Variants in OPRL1 observed in about 807,000 individuals in gnomAD.
The protein encoded by OPRL1 is opioid related nociceptin receptor 1, also known as nociceptin receptor.
Under a neutral mutation model 15.5 loss-of-function variants are expected in OPRL1, and 5 were observed. That is an observed-to-expected ratio of 0.32 (90% CI 0.17 to 0.68). The LOEUF (loss-of-function observed/expected upper bound fraction) is 0.68, where lower values mean the gene tolerates loss of function less well. Ranked by LOEUF, OPRL1 falls within the 30% of genes least tolerant of loss-of-function variation. The pLI, the probability that OPRL1 is intolerant of heterozygous loss-of-function variation, is 0.72. For missense variants in OPRL1, 406 were observed against 515.3 expected (o/e 0.79, Z 2.05); for synonymous variants, 223 against 230.2 (o/e 0.97, Z 0.28).
Position 64,083,964 on chromosome 20 carries a change from G to A in OPRL1, c.-185+3612G>A. The A allele has an allele frequency of 1.4e-6, 2 of 1,468,350 alleles. No homozygotes were observed. The highest frequency in any genetic ancestry group is 1.8e-6 in the Non-Finnish European group (2 of 1,117,304). The allele number at this position is 1,468,350 out of a possible 1,614,324, so 91.0% of individuals were successfully genotyped here. On this transcript the variant is annotated intron_variant, in intron 1 of 4. Coordinates refer to ENST00000336866, the MANE Select transcript of OPRL1 (RefSeq NM_182647.4). This position sits in a 1 kb window ranked among gnomAD's most constrained non-coding sequence, Gnocchi z 4.9. ...CGCGGGTCGGGCATGCGGTACCCCG[G>A]TTCCACCGACCCGCACGGGAAGGTG...
intron 3 of OPRL1, among the ~76,000 whole-genome samples, chr20:64,095,268 G>C (rs1391667137): frequency 1.3e-5 from 1 of 78,046 alleles, no homozygotes; most frequent in Non-Finnish European, 2.6e-5. Flanking sequence ...GGATAGTGTG[G>C]GGGGGATAGT....
In OPRL1 at chr20:64,089,267, G is replaced by A. The variant is rs1487078385; in HGVS notation, c.-184-2699G>A. Among the ~76,000 whole-genome samples, 1 of 152,118 alleles carries A rather than the reference G, an allele frequency of 6.6e-6. No individual in the cohort carries two copies. The highest frequency in any genetic ancestry group is 6.5e-5 in the Admixed American group (1 of 15,282). ...GATTGTGAACACCTGGACTGGGGAG[G>A]CCACGGCCTTCTGCTGGACCCTGAA... On this transcript the variant is annotated intron_variant, in intron 1 of 4. Transcript: ENST00000336866. This position sits in a 1 kb window ranked among gnomAD's most constrained non-coding sequence, Gnocchi z 5.5.
At chr20:64,088,693 G>GAGTGGCCA (rs1569271816) in intron 1 of OPRL1, among the ~76,000 whole-genome samples, 35 of 115,344 alleles carry the variant, frequency 3.0e-4, no homozygotes, top group Admixed American at 4.4e-4. Context: ...GATCTGTGCA[G>GAGTGGCCA]GGAGGCCAGG....
In OPRL1 at chr20:64,083,580, C is replaced by T. The variant is rs1242492576; in HGVS notation, c.-185+3228C>T. On this transcript the variant is annotated intron_variant, in intron 1 of 4. Coordinates refer to ENST00000336866, the MANE Select transcript of OPRL1 (RefSeq NM_182647.4). This position sits in a 1 kb window ranked among gnomAD's most constrained non-coding sequence, Gnocchi z 4.9. ...CCCCGCCCCTACCGGGGCTTGTCTGCACCTCTTGGCGGTCCAGGGGGTCCG... is the reference window on the plus strand; with the variant it reads ...CCCCGCCCCTACCGGGGCTTGTCTGTACCTCTTGGCGGTCCAGGGGGTCCG... 4.0e-6 allele frequency: 6 copies of T among 1,512,794 alleles called. No individual in the cohort carries two copies. The South Asian group carries it at 4.9e-5, about 12-fold the overall frequency. 93.7% of individuals were successfully genotyped at this position (1,512,794 alleles called of 1,614,324 possible).
At chr20:64,091,514 C>T (rs1468279425) in intron 1 of OPRL1, among the ~76,000 whole-genome samples, 4 of 152,202 alleles carry the variant, frequency 2.6e-5, no homozygotes, top group Non-Finnish European at 4.4e-5. Context: ...GGGCCAGTGC[C>T]GTGTCCTGGA....
chr20:64,084,050 G>T, intron 1 of OPRL1: 1 of 1,501,110 alleles, frequency 6.7e-7, no homozygotes, highest in Non-Finnish European at 8.8e-7. Context: ...GTGGCGCTGC[G>T]CAGGGAGCAT....
In OPRL1 at chr20:64,098,591, G is replaced by A. The variant is rs937030973; in HGVS notation, c.905G>A (p.Arg302His). 5.6e-6 allele frequency: 9 copies of A among 1,612,828 alleles called. No individual in the cohort carries two copies. Among genetic ancestry groups the A allele is most frequent in the Non-Finnish European group, 7.6e-6 (9 of 1,179,970 alleles). ...AGCGAGACTGCCGTGGCCATTCTGC[G>A]CTTCTGCACGGCCCTGGGCTACGTC... is the stretch of plus-strand genomic sequence containing the variant. ...PSSETAVAIL[R>H]FCTALGYVNS... Residue 302 changes from arginine (R) to histidine (H), a missense_variant, in exon 5 of 5, where the codon CGC (arginine) becomes CAC (histidine). By Grantham distance (29) the Arg-to-His change is conservative. Transcript: ENST00000336866.
chr20:64,098,225 G>GTGC, intron 4 of OPRL1, 51 bp from the exon 5 acceptor site: 21 of 1,602,480 alleles, frequency 1.3e-5, no homozygotes, highest in Non-Finnish European at 1.8e-5. Flanking sequence ...CTGGGCCCAC[G>GTGC]TGCCCTCCAC....
chr20:64,088,842 A>G (rs1386849442), intron 1 of OPRL1, among the ~76,000 whole-genome samples: 1 of 124,610 alleles, frequency 8.0e-6, no homozygotes, highest in Non-Finnish European at 1.8e-5. Flanking sequence ...GGAGGGCAGG[A>G]TCTGTGCAGG....
chr20:64,098,742 T>C lies in OPRL1; in HGVS notation c.1056T>C (p.Ile352=), dbSNP rs1238543346. 9.9e-6 allele frequency: 16 copies of C among 1,610,134 alleles called. No homozygotes were observed. Among genetic ancestry groups the C allele is most frequent in the Admixed American group, 5.0e-5 (3 of 60,000 alleles). The part of the protein sequence containing the change: ...DVQVSDRVRS[I]AKDVALACKT... ...AGGTGTCTGACCGCGTGCGCAGCATTGCCAAGGACGTGGCCCTGGCCTGCA... is the reference window on the plus strand; with the variant it reads ...AGGTGTCTGACCGCGTGCGCAGCATCGCCAAGGACGTGGCCCTGGCCTGCA... The change falls in exon 5 of 5, where the codon ATT becomes ATC. Residue 352 remains isoleucine, a synonymous_variant. Coordinates refer to ENST00000336866, the MANE Select transcript of OPRL1 (RefSeq NM_182647.4).
At position 64,092,124 on chromosome 20, in the gene OPRL1, C is replaced by G. The variant is rs1438152128; in HGVS notation, c.-34+8C>G. 2 of 156,146 alleles carry G rather than the reference C, an allele frequency of 1.3e-5. No homozygotes were observed. Among genetic ancestry groups the G allele is most frequent in the East Asian group, 3.8e-4 (2 of 5,200 alleles). The allele number at this position is 156,146 out of a possible 1,614,324, so 9.7% of individuals were successfully genotyped here. On this transcript the variant is annotated splice_region_variant and intron_variant, in intron 2 of 4. Coordinates refer to ENST00000336866, the MANE Select transcript of OPRL1 (RefSeq NM_182647.4). The stretch of plus-strand genomic sequence containing the variant: ...CCCAAGGAGGTTGCAGAAGTAAGGG[C>G]CTGAGCCGCTGGAGGTCGGGTGGGG...
chr20:64,088,934 G>C (rs1300307997), intron 1 of OPRL1, among the ~76,000 whole-genome samples: 1 of 3,206 alleles, frequency 3.1e-4, no homozygotes, highest in Non-Finnish European at 8.2e-4. Context: ...CTGTGCAAGG[G>C]GTAGGATCTG....
intron 1 of OPRL1, among the ~76,000 whole-genome samples, chr20:64,088,540 C>T (rs2060076986): frequency 6.7e-6 from 1 of 150,008 alleles, no homozygotes; most frequent in South Asian, 2.1e-4. Context: ...GGGGCACGGT[C>T]TGTGCCAGGT....
chr20:64,084,528 GA>G (rs1224039838), intron 1 of OPRL1, among the ~76,000 whole-genome samples: 1 of 152,224 alleles, frequency 6.6e-6, no homozygotes, highest in Non-Finnish European at 1.5e-5. Context: ...TTTGAATTGA[GA>G]AAATGCTGAG....
intron 1 of OPRL1, chr20:64,084,122 C>G (rs2060012034): frequency 6.8e-7 from 1 of 1,471,186 alleles, no homozygotes; most frequent in Non-Finnish European, 8.9e-7. Flanking sequence ...CGCGGGCGCC[C>G]CCTTGGCACG....
At position 64,088,930 on chromosome 20, in the gene OPRL1, A is replaced by AGGG. The variant is rs1167416080; in HGVS notation, c.-184-3036_-184-3035insGGG. Among the ~76,000 whole-genome samples, 99 of 99,868 alleles carry AGGG rather than the reference A, an allele frequency of 9.9e-4. 3 individuals carry two copies. Among genetic ancestry groups the AGGG allele is most frequent in the Middle Eastern group, 5.3e-3 (1 of 190 alleles). 65.5% of individuals were successfully genotyped at this position (99,868 alleles called of 152,430 possible). ...TGTGCAGAGTGGCCAGGATCTGTGC[A>AGGG]AGGGGTAGGATCTGTGCAGAGTGGC... is the stretch of plus-strand genomic sequence containing the variant. On this transcript the variant is annotated intron_variant, in intron 1 of 4. Coordinates refer to ENST00000336866, the MANE Select transcript of OPRL1 (RefSeq NM_182647.4).
chr20:64,082,899 G>T (rs2059983708), intron 1 of OPRL1, among the ~76,000 whole-genome samples: 1 of 152,038 alleles, frequency 6.6e-6, no homozygotes, highest in Admixed American at 6.5e-5. Context: ...AAGGCCAGAG[G>T]GTGGGATTTT....
In OPRL1 at chr20:64,090,041, C is replaced by T. The variant is rs1425925123; in HGVS notation, c.-184-1925C>T. On this transcript the variant is annotated intron_variant, in intron 1 of 4. Transcript: ENST00000336866. This position sits in a 1 kb window ranked among gnomAD's most constrained non-coding sequence, Gnocchi z 4.9. ...GTGCATGTGTGTGTCCTCTGGGTGT[C>T]GGAGGGCCTTGGTCTGTGTCTGCCT... Among the ~76,000 whole-genome samples the T allele has an allele frequency of 1.3e-5, 2 of 152,162 alleles. No individual in the cohort carries two copies. Among genetic ancestry groups the T allele is most frequent in the Admixed American group, 6.5e-5 (1 of 15,284 alleles).
intron 1 of OPRL1, among the ~76,000 whole-genome samples, chr20:64,088,079 G>A (rs1209230820): frequency 6.6e-6 from 1 of 152,246 alleles, no homozygotes; most frequent in Non-Finnish European, 1.5e-5. Context: ...GCGGGGCTCT[G>A]CTGACCACAC....
Sources: gnomAD v4.1 joint callset for allele counts (sites outside exome capture counted in the v4.1 genomes callset) on GRCh38, gnomAD v4.1.1 for gene constraint, Gnocchi (gnomAD v3.1) non-coding constraint, MANE v1.5 for transcripts, NCBI Gene and HGNC (gene_info 2026-07-23, HGNC 2026-07-21) for gene names.